PDGFD: variants seen among roughly 807,000 people sequenced by gnomAD.
PDGFD encodes platelet-derived growth factor D.
Under a neutral mutation model 44.7 loss-of-function variants are expected in PDGFD, and 30 were observed. The observed-to-expected ratio is 0.67, with a 90% CI of 0.50 to 0.91. The LOEUF is 0.91. Among genes scored for constraint, PDGFD ranks in the 40% least tolerant of loss-of-function variants. The probability of loss-of-function intolerance (pLI) is 0.00; values close to 1 mark genes in which losing one functional copy is unlikely to be tolerated. For synonymous variants in PDGFD, 173 were observed against 168.4 expected (o/e 1.03, Z -0.21); for missense variants, 445 against 457.8 (o/e 0.97, Z 0.25).
chr11:103,989,220 G>T (rs1428200746), intron 3 of PDGFD, among the ~76,000 whole-genome samples: 3 of 152,254 alleles, frequency 2.0e-5, no homozygotes, highest in Admixed American at 6.5e-5. Flanking sequence ...TTCCCAAAGA[G>T]AACACTAGTT....
At chr11:104,135,878 A>G (rs1235411481) in intron 1 of PDGFD, among the ~76,000 whole-genome samples, 1 of 152,140 alleles carries the variant, frequency 6.6e-6, no homozygotes, top group African/African-American at 2.4e-5. Context: ...AGGTCTAGGA[A>G]TGGGTGGAGA....
At chr11:104,153,519 G>T (rs931567816) in intron 1 of PDGFD, among the ~76,000 whole-genome samples, 3 of 152,134 alleles carry the variant, frequency 2.0e-5, no homozygotes. Flanking sequence ...GTCAGGGAAG[G>T]CTACACAGAG....
At chr11:104,003,023 C>A (rs1040755837) in intron 1 of PDGFD, among the ~76,000 whole-genome samples, 1 of 152,096 alleles carries the variant, frequency 6.6e-6, no homozygotes, top group African/African-American at 2.4e-5. Flanking sequence ...TATATTCTTT[C>A]TTTACAGTTT....
Position 103,909,448 on chromosome 11 carries a change from T to C in PDGFD, c.*246A>G. ...GACATGAATATATTTCTGTGTGTGT[T>C]TGTGCATATATAACCTCAAACACTA... On this transcript the variant is annotated 3_prime_UTR_variant, in exon 7 of 7. Coordinates refer to ENST00000393158, the MANE Select transcript of PDGFD (RefSeq NM_025208.5). The C allele has an allele frequency of 2.2e-6, 1 of 449,242 alleles. No homozygotes were observed. Among genetic ancestry groups the C allele is most frequent in the East Asian group, 3.8e-5 (1 of 26,600 alleles). 27.8% of individuals were successfully genotyped at this position (449,242 alleles called of 1,614,324 possible). A position where few individuals can be genotyped will look rare whatever the true frequency, so the allele number is the denominator to read the frequency against.
At chr11:104,078,020 A>ATGCTGGTTATGC (rs781131468) in intron 1 of PDGFD, among the ~76,000 whole-genome samples, 16 of 87,492 alleles carry the variant, frequency 1.8e-4, no homozygotes, top group African/African-American at 1.1e-3. Flanking sequence ...CACAGGAAAT[A>ATGCTGGTTATGC]TGCTGGTTAT....
chr11:104,111,203 C>A (rs191568871), intron 1 of PDGFD, among the ~76,000 whole-genome samples: 2 of 151,768 alleles, frequency 1.3e-5, no homozygotes, highest in Admixed American at 1.3e-4. Context: ...CTAAAATCTA[C>A]ACCTGAATAG....
chr11:104,069,400 T>C (rs766793530), intron 1 of PDGFD, among the ~76,000 whole-genome samples: 4 of 152,234 alleles, frequency 2.6e-5, no homozygotes, highest in Admixed American at 6.5e-5. Flanking sequence ...GTTAAAGTGG[T>C]ATCTTCCATA....
At chr11:103,966,038 A>G (rs903658219) in intron 3 of PDGFD, among the ~76,000 whole-genome samples, 6 of 152,184 alleles carry the variant, frequency 3.9e-5, no homozygotes, top group African/African-American at 1.4e-4. Flanking sequence ...CTTATTTCAT[A>G]ACTCCTTATG....
chr11:103,957,730 A>AG (rs1387688468), intron 3 of PDGFD, among the ~76,000 whole-genome samples: 1 of 152,162 alleles, frequency 6.6e-6, no homozygotes, highest in African/African-American at 2.4e-5. Flanking sequence ...TGAGAAGAGA[A>AG]GGGGGTCATT....
chr11:104,113,839 C>A (rs1222079367), intron 1 of PDGFD, among the ~76,000 whole-genome samples: 2 of 151,988 alleles, frequency 1.3e-5, no homozygotes, highest in African/African-American at 4.8e-5. Context: ...TATCTCACTT[C>A]TGTTTTAATC....
At chr11:103,949,665 T>A (rs759097709) in intron 3 of PDGFD, among the ~76,000 whole-genome samples, 7 of 152,186 alleles carry the variant, frequency 4.6e-5, no homozygotes, top group Non-Finnish European at 8.8e-5. Context: ...GGTAGGATCA[T>A]GAGGAAATAA....
rs1860976428 is a variant in PDGFD, at chr11:104,077,487, G to A, written c.125-77232C>T. Among the ~76,000 whole-genome samples the A allele has an allele frequency of 5.3e-5, 8 of 152,220 alleles. No individual in the cohort carries two copies. The South Asian group carries it at 1.7e-3, about 32-fold the overall frequency. Reference sequence around the variant, plus strand: ...AGCAGGATAAGTGGGGACAGGGAGAGGTAAATGGGGATTTGTGAAGTACAT... The same window carrying A: ...AGCAGGATAAGTGGGGACAGGGAGAAGTAAATGGGGATTTGTGAAGTACAT... On this transcript the variant is annotated intron_variant, in intron 1 of 6. Transcript: ENST00000393158.
At position 104,114,935 on chromosome 11, in the gene PDGFD, G is replaced by C. The variant is rs115374965; in HGVS notation, c.124+48869C>G. 4.2e-3 allele frequency among the ~76,000 whole-genome samples: 634 copies of C among 150,718 alleles called. 8 individuals carry two copies. The highest frequency in any genetic ancestry group is 0.014 in the African/African-American group (584 of 41,092). ...TTCCATAGGTTGTTGGGGAATAGGT[G>C]GTGTTTGGTTAAATGAGTAAGTTCT... On this transcript the variant is annotated intron_variant, in intron 1 of 6. Transcript: ENST00000393158.
chr11:104,093,899 T>C (rs1290391545), intron 1 of PDGFD, among the ~76,000 whole-genome samples: 1 of 149,826 alleles, frequency 6.7e-6, no homozygotes, highest in Admixed American at 6.8e-5. Flanking sequence ...AAAAAATTCC[T>C]CTTAACCTCA....
At chr11:103,991,849 T>C (rs1201546525) in intron 3 of PDGFD, among the ~76,000 whole-genome samples, 1 of 152,228 alleles carries the variant, frequency 6.6e-6, no homozygotes, top group Non-Finnish European at 1.5e-5. Context: ...TTATCACCAT[T>C]TTACAGACGA....
intron 1 of PDGFD, among the ~76,000 whole-genome samples, chr11:104,108,330 T>C (rs1255255747): frequency 2.7e-5 from 4 of 149,984 alleles, no homozygotes; most frequent in Non-Finnish European, 3.0e-5. Flanking sequence ...ATATCCAGTA[T>C]CTACAAAGAA....
chr11:104,071,594 GT>G (rs1275342013), intron 1 of PDGFD, among the ~76,000 whole-genome samples: 1 of 151,576 alleles, frequency 6.6e-6, no homozygotes, highest in Admixed American at 6.6e-5. Context: ...TCTCCTAGTT[GT>G]TTTTTGTCAG....
At chr11:104,084,722 A>C (rs1861096664) in intron 1 of PDGFD, among the ~76,000 whole-genome samples, 1 of 139,058 alleles carries the variant, frequency 7.2e-6, no homozygotes, top group Non-Finnish European at 1.5e-5. Context: ...AAGTATACAT[A>C]TATAATACAG....
In PDGFD at chr11:104,001,800, T is replaced by TG. The variant is rs1190816326; in HGVS notation, c.125-1546dup. Among the ~76,000 whole-genome samples the TG allele has an allele frequency of 5.3e-5, 8 of 152,320 alleles. No homozygotes were observed. The East Asian group carries it at 1.5e-3, about 29-fold the overall frequency. On this transcript the variant is annotated intron_variant, in intron 1 of 6. Coordinates refer to ENST00000393158, the MANE Select transcript of PDGFD (RefSeq NM_025208.5). ...TGAGCCTGGTCAGGGAAGCTATGCTTGCTGGTGGAAACCACTGTAAGGTAG... is the reference window on the plus strand; with the variant it reads ...TGAGCCTGGTCAGGGAAGCTATGCTTGGCTGGTGGAAACCACTGTAAGGTAG...
Sources: allele counts gnomAD v4.1 joint callset (sites outside exome capture counted in the v4.1 genomes callset), GRCh38; gene constraint gnomAD v4.1.1; transcripts MANE v1.5; gene names NCBI Gene and HGNC (gene_info 2026-07-23, HGNC 2026-07-21).